Variants in ANKDD1A observed in about 807,000 individuals in gnomAD.
The protein encoded by ANKDD1A is ankyrin repeat and death domain-containing protein 1A.
Under a neutral mutation model 63.5 loss-of-function variants are expected in ANKDD1A, and 59 were observed. That is an observed-to-expected ratio of 0.93 (90% CI 0.75 to 1.15). The LOEUF (loss-of-function observed/expected upper bound fraction) is 1.15, where lower values mean the gene tolerates loss of function less well. Ranked by LOEUF, ANKDD1A falls within the 50% of genes most tolerant of loss-of-function variation. The pLI, the probability that ANKDD1A is intolerant of heterozygous loss-of-function variation, is 0.00. For synonymous variants in ANKDD1A, 266 were observed against 263.9 expected, an observed-to-expected ratio of 1.01 and a Z score of -0.08; for missense variants, 632 against 656.4, an observed-to-expected ratio of 0.96 and a Z score of 0.41.
intron 3 of ANKDD1A, among the ~76,000 whole-genome samples, chr15:64,918,162 G>A (rs748728523): frequency 1.6e-4 from 24 of 152,112 alleles, no homozygotes; most frequent in Non-Finnish European, 3.2e-4. Flanking sequence ...CAGGAGTTTG[G>A]GACGAGCCTG....
chr15:64,915,246 A>G (rs1216024510), intron 1 of ANKDD1A, among the ~76,000 whole-genome samples: 2 of 152,196 alleles, frequency 1.3e-5, no homozygotes, highest in Non-Finnish European at 2.9e-5. Flanking sequence ...CAGAGGTTGC[A>G]GTGAGACAAG....
intron 6 of ANKDD1A, 103 bp downstream of exon 6, chr15:64,927,102 T>G: frequency 8.4e-7 from 1 of 1,189,536 alleles, no homozygotes; most frequent in Non-Finnish European, 1.2e-6. Flanking sequence ...CCGATTGCGC[T>G]GGAGGCCCGT....
chr15:64,943,798 C>A (rs921180180), intron 11 of ANKDD1A: 3 of 586,396 alleles, frequency 5.1e-6, no homozygotes, highest in South Asian at 2.0e-5. Context: ...TGGCCCACCC[C>A]CCTCTGGTAT....
In ANKDD1A at chr15:64,931,957, G is replaced by A. The variant is rs183197038; in HGVS notation, c.768+372G>A. 165 of 318,282 alleles carry A rather than the reference G, an allele frequency of 5.2e-4. 1 individual carries two copies. Among genetic ancestry groups the A allele is most frequent in the Middle Eastern group, 3.6e-3 (4 of 1,120 alleles). 19.7% of individuals were successfully genotyped at this position (318,282 alleles called of 1,614,324 possible). ...CGCCCAGGCTGAAGTGCAATGGTGCGATCTTGGCTCACTGTAACCTCCGCC... is the reference window on the plus strand; with the variant it reads ...CGCCCAGGCTGAAGTGCAATGGTGCAATCTTGGCTCACTGTAACCTCCGCC... On this transcript the variant is annotated intron_variant, in intron 8 of 14. Transcript: ENST00000319580.
At chr15:64,927,375 G>T (rs1310905421) in intron 6 of ANKDD1A, among the ~76,000 whole-genome samples, 1 of 152,240 alleles carries the variant, frequency 6.6e-6, no homozygotes. Flanking sequence ...GTTGTTGACA[G>T]ATGTGGGGAA....
intron 6 of ANKDD1A, among the ~76,000 whole-genome samples, chr15:64,927,333 T>C (rs2085053257): frequency 6.6e-6 from 1 of 152,202 alleles, no homozygotes; most frequent in Non-Finnish European, 1.5e-5. Flanking sequence ...CTGGAGTGGG[T>C]TGAGCAGGGC....
At chr15:64,948,515 A>G (rs2085241643) in intron 13 of ANKDD1A, among the ~76,000 whole-genome samples, 1 of 152,138 alleles carries the variant, frequency 6.6e-6, no homozygotes, top group African/African-American at 2.4e-5. Flanking sequence ...TATAAAGCCA[A>G]AATAAAATTA....
At chr15:64,950,826 C>A in intron 14 of ANKDD1A, 2 of 1,058,838 alleles carry the variant, frequency 1.9e-6, no homozygotes, top group Non-Finnish European at 2.3e-6. Flanking sequence ...CCTTTCTTTC[C>A]CCAAAATGTT....
chr15:64,923,239 A>T (rs928092312), intron 4 of ANKDD1A, among the ~76,000 whole-genome samples: 1 of 152,148 alleles, frequency 6.6e-6, no homozygotes, highest in African/African-American at 2.4e-5. Context: ...GATGTGAGCC[A>T]CTAGCCAAGG....
intron 7 of ANKDD1A, among the ~76,000 whole-genome samples, chr15:64,931,236 G>A (rs568207044): frequency 2.0e-5 from 3 of 152,274 alleles, no homozygotes; most frequent in South Asian, 4.1e-4. Context: ...CAGCCTGACC[G>A]GGGCAGAACA....
intron 14 of ANKDD1A, among the ~76,000 whole-genome samples, chr15:64,952,793 TCTTTTC>T (rs1305781186): frequency 1.2e-3 from 178 of 142,892 alleles, no homozygotes; most frequent in African/African-American, 4.1e-3. Context: ...TTCTCCTTCT[TCTTTTC>T]TTCTCCTTCT....
At chr15:64,943,705 T>G in intron 11 of ANKDD1A, 123 bp downstream of exon 11, 1 of 905,866 alleles carries the variant, frequency 1.1e-6, no homozygotes, top group Middle Eastern at 3.0e-4. Context: ...ATCCTTTCTA[T>G]ACCAGCTCAA....
intron 6 of ANKDD1A, among the ~76,000 whole-genome samples, chr15:64,927,801 T>A (rs1192011104): frequency 6.6e-6 from 1 of 151,952 alleles, no homozygotes; most frequent in Non-Finnish European, 1.5e-5. Context: ...AGAGATGGGG[T>A]TTCACGTGTT....
At position 64,952,469 on chromosome 15, in the gene ANKDD1A, CTTCTCCTTCTTCT is replaced by C. The variant is rs536916513; in HGVS notation, c.1483+2499_1483+2511del. Among the ~76,000 whole-genome samples, 1,271 of 142,872 alleles carry C rather than the reference CTTCTCCTTCTTCT, an allele frequency of 8.9e-3. 11 individuals carry two copies. The highest frequency in any genetic ancestry group is 0.023 in the African/African-American group (888 of 37,948). 93.7% of individuals were successfully genotyped at this position (142,872 alleles called of 152,430 possible). Reference sequence around the variant, plus strand: ...TTCTTCTTAGTTCTTCTCCTTCTTCCTTCTCCTTCTTCTTCCTTCGTCACCGTCTTCTCCTTCT... The same window carrying C: ...TTCTTCTTAGTTCTTCTCCTTCTTCCTCCTTCGTCACCGTCTTCTCCTTCT... On this transcript the variant is annotated intron_variant, in intron 14 of 14. Transcript: ENST00000319580.
chr15:64,945,607 C>CATATATATACATATATATAT (rs1555396878), intron 12 of ANKDD1A, among the ~76,000 whole-genome samples: 2 of 73,852 alleles, frequency 2.7e-5, no homozygotes, highest in African/African-American at 1.2e-4. Context: ...GCATTTTCAA[C>CATATATATACATATATATAT]ATATATATAT....
chr15:64,952,055 CTTAGTTCTTCCTTT>C (rs2085295889), intron 14 of ANKDD1A, among the ~76,000 whole-genome samples: 14 of 116,986 alleles, frequency 1.2e-4, no homozygotes, highest in Non-Finnish European at 1.1e-4. Context: ...CTTTCTTCTT[CTTAGTTCTTCCTTT>C]CTTCTTCTTC....
At chr15:64,926,001 A>G in intron 4 of ANKDD1A, 65 bp from the exon 5 acceptor site, 1 of 1,428,712 alleles carries the variant, frequency 7.0e-7, no homozygotes, top group Non-Finnish European at 9.7e-7. Flanking sequence ...TGTTTGGGAG[A>G]CTGGCAGTGT....
At chr15:64,944,961 A>T (rs370875079) in intron 12 of ANKDD1A, among the ~76,000 whole-genome samples, 24 of 152,344 alleles carry the variant, frequency 1.6e-4, no homozygotes, top group South Asian at 6.2e-4. Flanking sequence ...ACTGAGGTCC[A>T]TGCCAGCGTG....
rs1417768785 is a variant in ANKDD1A at position 64,952,334 on chromosome 15, T to TCTC, written c.1483+2365_1483+2367dup. Among the ~76,000 whole-genome samples the TCTC allele has an allele frequency of 2.7e-3, 59 of 21,814 alleles. No individual in the cohort carries two copies. In the Middle Eastern group the frequency reaches 0.094, roughly 35 times the overall value. The allele number at this position is 21,814 out of a possible 152,430, so 14.3% of individuals were successfully genotyped here. Reference sequence around the variant, plus strand: ...TTCTTTTTCTTTCTTCCTTCTTCCTTCTCCTTCTTCTTAGTTCTTCCTCCT... The same window carrying TCTC: ...TTCTTTTTCTTTCTTCCTTCTTCCTTCTCCTCCTTCTTCTTAGTTCTTCCTCCT... On this transcript the variant is annotated intron_variant, in intron 14 of 14. Coordinates refer to ENST00000319580, the MANE Select transcript of ANKDD1A (RefSeq NM_182703.6).
Sources: allele counts gnomAD v4.1 joint callset (sites outside exome capture counted in the v4.1 genomes callset), GRCh38; gene constraint gnomAD v4.1.1; transcripts MANE v1.5; gene names NCBI Gene and HGNC (gene_info 2026-07-23, HGNC 2026-07-21).